Variants in TMEM132D observed in about 807,000 individuals in gnomAD.
The protein encoded by TMEM132D is transmembrane protein 132D.
TMEM132D carries 21 observed loss-of-function variants against 62.3 expected under a neutral mutation model. That is an observed-to-expected ratio of 0.34 (90% CI 0.24 to 0.49). The LOEUF is 0.49. TMEM132D is among the 20% of genes least tolerant of loss of function. The pLI, the probability that TMEM132D is intolerant of heterozygous loss-of-function variation, is 0.99. For missense variants in TMEM132D, 1,346 were observed against 1,402.8 expected (o/e 0.96, Z 0.65); for synonymous variants, 621 against 575.6 (o/e 1.08, Z -1.13).
At chr12:129,160,962 C>G (rs1040967890) in intron 5 of TMEM132D, among the ~76,000 whole-genome samples, 2 of 152,220 alleles carry the variant, frequency 1.3e-5, no homozygotes, top group Admixed American at 1.3e-4. Flanking sequence ...GGTTGCATCA[C>G]TCTCTGCAGA....
chr12:129,538,304 T>G (rs1462446157), intron 2 of TMEM132D, among the ~76,000 whole-genome samples: 3 of 152,234 alleles, frequency 2.0e-5, no homozygotes, highest in Non-Finnish European at 4.4e-5. Context: ...CAGTCTATAA[T>G]TTTATATAAA....
At chr12:129,314,324 C>G (rs1287031756) in intron 4 of TMEM132D, among the ~76,000 whole-genome samples, 3 of 152,122 alleles carry the variant, frequency 2.0e-5, no homozygotes, top group African/African-American at 7.2e-5. Flanking sequence ...GTTTCATTCT[C>G]CTAAAAGTGG....
At chr12:129,877,288 G>A (rs137896931) in intron 1 of TMEM132D, among the ~76,000 whole-genome samples, 3 of 151,816 alleles carry the variant, frequency 2.0e-5, no homozygotes, top group Non-Finnish European at 2.9e-5. Flanking sequence ...CACTTTCAGA[G>A]AACCACACAC....
chr12:129,842,359 G>A (rs1324092594), intron 1 of TMEM132D, among the ~76,000 whole-genome samples: 3 of 152,232 alleles, frequency 2.0e-5, no homozygotes, highest in African/African-American at 4.8e-5. Flanking sequence ...TGGTTTAAAC[G>A]CTGGCATTCA....
Position 129,368,907 on chromosome 12 carries a change from T to G in TMEM132D, c.1116-31090A>C, listed in dbSNP as rs181254364. ...TAAAGAGGTGCAGTTTTAGAGGACA[T>G]GTATGCCTCTTATCCTCCCTGTTTC... On this transcript the variant is annotated intron_variant, in intron 3 of 8. Coordinates refer to ENST00000422113, the MANE Select transcript of TMEM132D (RefSeq NM_133448.3). Among the ~76,000 whole-genome samples, 416 of 152,294 alleles carry G rather than the reference T, an allele frequency of 2.7e-3. 3 individuals are homozygous for G. Among genetic ancestry groups the G allele is most frequent in the African/African-American group, 9.4e-3 (391 of 41,564 alleles).
intron 4 of TMEM132D, among the ~76,000 whole-genome samples, chr12:129,223,802 G>C (rs968850113): frequency 6.6e-6 from 1 of 152,148 alleles, no homozygotes; most frequent in Non-Finnish European, 1.5e-5. Flanking sequence ...GAAACATAAT[G>C]AAGTCATCTG....
intron 1 of TMEM132D, among the ~76,000 whole-genome samples, chr12:129,796,734 T>G (rs1256900118): frequency 6.6e-6 from 1 of 151,174 alleles, no homozygotes; most frequent in East Asian, 1.9e-4. Context: ...TGTTGGAGGG[T>G]GGGGAGTAAG....
intron 4 of TMEM132D, among the ~76,000 whole-genome samples, chr12:129,213,634 C>T (rs568088877): frequency 2.6e-5 from 4 of 152,198 alleles, no homozygotes; most frequent in East Asian, 1.9e-4. Flanking sequence ...TGGAGGAGGG[C>T]GAAGGGAGCA....
chr12:129,314,985 C>A (rs968922671), intron 4 of TMEM132D, among the ~76,000 whole-genome samples: 6 of 152,088 alleles, frequency 3.9e-5, no homozygotes, highest in African/African-American at 1.4e-4. Flanking sequence ...GATGTGTGTA[C>A]ATTAATCTTG....
chr12:129,678,695 T>C (rs950639334), intron 2 of TMEM132D, among the ~76,000 whole-genome samples: 1 of 152,130 alleles, frequency 6.6e-6, no homozygotes, highest in African/African-American at 2.4e-5. Context: ...TAAGAAAGTC[T>C]AAATCCTTTT....
intron 5 of TMEM132D, among the ~76,000 whole-genome samples, chr12:129,175,246 T>C (rs1565987210): frequency 3.3e-5 from 5 of 152,208 alleles, no homozygotes; most frequent in Admixed American, 6.5e-5. Flanking sequence ...AGTTAATTTT[T>C]GTATAAGGTG....
chr12:129,235,272 GAATA>G (rs1416050624), intron 4 of TMEM132D, among the ~76,000 whole-genome samples: 4 of 151,896 alleles, frequency 2.6e-5, no homozygotes, highest in Non-Finnish European at 4.4e-5. Context: ...AATAAAATAA[GAATA>G]AATAAAAATA....
chr12:129,607,822 T>C (rs1356935919), intron 2 of TMEM132D, among the ~76,000 whole-genome samples: 2 of 152,188 alleles, frequency 1.3e-5, no homozygotes, highest in Non-Finnish European at 2.9e-5. Flanking sequence ...CCCTCTAAGA[T>C]ATAGAGGCTG....
At chr12:129,746,733 C>T (rs756158867) in intron 1 of TMEM132D, among the ~76,000 whole-genome samples, 1 of 152,046 alleles carries the variant, frequency 6.6e-6, no homozygotes, top group Non-Finnish European at 1.5e-5. Context: ...CCTACAGAAG[C>T]GACAGTGTCA....
intron 2 of TMEM132D, among the ~76,000 whole-genome samples, chr12:129,631,384 G>C (rs892169834): frequency 1.2e-4 from 19 of 152,144 alleles, no homozygotes; most frequent in Non-Finnish European, 2.5e-4. Context: ...GTAAAGCCTG[G>C]GTTAACAGAG....
At chr12:129,729,512 T>C (rs1230114914) in intron 1 of TMEM132D, among the ~76,000 whole-genome samples, 1 of 151,822 alleles carries the variant, frequency 6.6e-6, no homozygotes, top group Non-Finnish European at 1.5e-5. Context: ...AAAACCCTGG[T>C]CTAGTCATAC....
intron 4 of TMEM132D, among the ~76,000 whole-genome samples, chr12:129,215,309 C>A (rs1879171268): frequency 6.6e-6 from 1 of 152,092 alleles, no homozygotes; most frequent in Non-Finnish European, 1.5e-5. Flanking sequence ...AGGGTAACAA[C>A]ACACACTGGG....
At chr12:129,090,163 T>C (rs1244501499) in intron 5 of TMEM132D, among the ~76,000 whole-genome samples, 2 of 152,210 alleles carry the variant, frequency 1.3e-5, no homozygotes, top group African/African-American at 4.8e-5. Flanking sequence ...TGGGTGGTGC[T>C]TGTGTCTTCA....
intron 3 of TMEM132D, among the ~76,000 whole-genome samples, chr12:129,401,758 C>T (rs1263633073): frequency 2.0e-5 from 3 of 152,148 alleles, no homozygotes; most frequent in Non-Finnish European, 4.4e-5. Context: ...AGCCCTCTCG[C>T]TCCAGTCTGT....
Sources: gnomAD v4.1 joint callset for allele counts (sites outside exome capture counted in the v4.1 genomes callset) on GRCh38, gnomAD v4.1.1 for gene constraint, MANE v1.5 for transcripts, NCBI Gene and HGNC (gene_info 2026-07-23, HGNC 2026-07-21) for gene names.